Variants in CRHR2 observed in about 807,000 individuals in gnomAD.
CRHR2 encodes corticotropin-releasing hormone receptor 2.
CRHR2 carries 53 observed loss-of-function variants against 57.9 expected under a neutral mutation model. The observed-to-expected ratio is 0.92, with a 90% CI of 0.73 to 1.15. CRHR2 has a LOEUF of 1.15. Among genes scored for constraint, CRHR2 ranks in the 50% most tolerant of loss-of-function variants. The pLI is 0.00. For synonymous variants in CRHR2, 213 were observed against 220.9 expected (o/e 0.96, Z 0.32); for missense variants, 532 against 542.6 (o/e 0.98, Z 0.19).
At chr7:30,688,785 G>A in intron 2 of CRHR2, 1 of 457,748 alleles carries the variant, frequency 2.2e-6, no homozygotes, top group South Asian at 1.5e-5. Context: ...CAGAACTCAG[G>A]GCCGGGCTGC....
chr7:30,662,882 C>T, intron 5 of CRHR2, 35 bp from the exon 6 acceptor site: 1 of 1,608,988 alleles, frequency 6.2e-7, no homozygotes. Flanking sequence ...CAGGAGGCAG[C>T]TTGGGGCCCA....
At chr7:30,657,109 A>ACACC (rs35668274) in intron 8 of CRHR2, among the ~76,000 whole-genome samples, 1 of 151,096 alleles carries the variant, frequency 6.6e-6, no homozygotes, top group East Asian at 2.0e-4. Context: ...ACACACACAC[A>ACACC]CCTCTGACAC....
intron 3 of CRHR2, among the ~76,000 whole-genome samples, chr7:30,666,103 T>C (rs1162621798): frequency 6.6e-6 from 1 of 152,206 alleles, no homozygotes; most frequent in Non-Finnish European, 1.5e-5. Context: ...TCTAGAATGC[T>C]TCTCCTGAGT....
intron 2 of CRHR2, among the ~76,000 whole-genome samples, chr7:30,677,945 C>G (rs1784569880): frequency 6.6e-6 from 1 of 152,230 alleles, no homozygotes; most frequent in South Asian, 2.1e-4. Flanking sequence ...TGGCATGTGC[C>G]TGCAGTCTCA....
upstream of CRHR2, among the ~76,000 whole-genome samples, chr7:30,683,733 G>C (rs547157731): frequency 9.3e-4 from 141 of 152,330 alleles, no homozygotes; most frequent in Non-Finnish European, 1.6e-3. Flanking sequence ...AGAGTCTGGG[G>C]AAGACATACA....
chr7:30,696,968 C>T (rs747447267), intron 1 of CRHR2, among the ~76,000 whole-genome samples: 3 of 152,074 alleles, frequency 2.0e-5, no homozygotes, highest in Non-Finnish European at 2.9e-5. Flanking sequence ...GAAACACCAA[C>T]AAAATGGCAA....
chr7:30,677,363 G>T (rs1257900969), intron 2 of CRHR2, among the ~76,000 whole-genome samples: 1 of 152,170 alleles, frequency 6.6e-6, no homozygotes, highest in Admixed American at 6.5e-5. Flanking sequence ...AGTCCGTGTG[G>T]AATGGGGAGA....
chr7:30,654,551 G>A (rs1350841488), intron 11 of CRHR2: 2 of 847,638 alleles, frequency 2.4e-6, no homozygotes, highest in Non-Finnish European at 3.6e-6. Flanking sequence ...AGCTGCACTG[G>A]GGCTTTGGGC....
intron 2 of CRHR2, among the ~76,000 whole-genome samples, chr7:30,688,305 G>A (rs913046212): frequency 1.3e-5 from 2 of 152,186 alleles, no homozygotes; most frequent in African/African-American, 4.8e-5. Context: ...GAATGGTGAT[G>A]AAATCAGCTT....
At chr7:30,682,141 A>C in intron 1 of CRHR2, 37 bp downstream of exon 1, 1 of 1,534,514 alleles carries the variant, frequency 6.5e-7, no homozygotes, top group Admixed American at 2.1e-5. Context: ...CGAGAGAAGG[A>C]GCCCGCGCAG....
At chr7:30,688,082 G>A (rs1784888886) in intron 2 of CRHR2, among the ~76,000 whole-genome samples, 1 of 152,248 alleles carries the variant, frequency 6.6e-6, no homozygotes, top group African/African-American at 2.4e-5. Flanking sequence ...TGGATTTAGG[G>A]TCTTCGATGA....
intron 2 of CRHR2, among the ~76,000 whole-genome samples, chr7:30,676,379 G>A (rs917276875): frequency 2.0e-5 from 3 of 152,166 alleles, no homozygotes; most frequent in African/African-American, 7.2e-5. Context: ...AGAGTCAGGG[G>A]GGATCAGGTC....
upstream of CRHR2, among the ~76,000 whole-genome samples, chr7:30,683,726 G>C (rs1784795805): frequency 6.6e-6 from 1 of 152,202 alleles, no homozygotes; most frequent in African/African-American, 2.4e-5. Flanking sequence ...GAGACGGAGA[G>C]TCTGGGGAAG....
At chr7:30,691,067 G>A (rs758169114) in intron 1 of CRHR2, among the ~76,000 whole-genome samples, 11 of 152,042 alleles carry the variant, frequency 7.2e-5, no homozygotes, top group Admixed American at 6.5e-5. Flanking sequence ...TGCTGACCCC[G>A]TGAGCCACTG....
In CRHR2 at chr7:30,655,231, G is replaced by A. The variant is rs75595666; in HGVS notation, c.1054-151C>T. 9.0e-3 allele frequency: 7,873 copies of A among 878,854 alleles called. 81 individuals are homozygous for A. Among genetic ancestry groups the A allele is most frequent in the African/African-American group, 0.026 (1,534 of 59,226 alleles). The allele number at this position is 878,854 out of a possible 1,614,324, so 54.4% of individuals were successfully genotyped here. On this transcript the variant is annotated intron_variant, in intron 10 of 11. Transcript: ENST00000471646. ...AGCTGGGTGGGGTCCTAGCCTCAGG[G>A]TGCAGATATTCCACGGTCCACTCTG...
Position 30,670,717 on chromosome 7 carries a change from C to T in CRHR2, c.230-3404G>A, listed in dbSNP as rs115130476. ...AGAATCTCATCCACCCCGTGGGAAA[C>T]GTAGACGGATGGGCACACACTCTGA... On this transcript the variant is annotated intron_variant, in intron 2 of 11. Transcript: ENST00000471646. 7.4e-3 allele frequency among the ~76,000 whole-genome samples: 1,125 copies of T among 152,306 alleles called. 7 individuals are homozygous for T. The highest frequency in any genetic ancestry group is 0.025 in the African/African-American group (1,032 of 41,558).
chr7:30,674,101 C>T (rs1166518556), intron 2 of CRHR2, among the ~76,000 whole-genome samples: 1 of 152,206 alleles, frequency 6.6e-6, no homozygotes, highest in Non-Finnish European at 1.5e-5. Flanking sequence ...ACTTTTCACT[C>T]ATGGTGCCCT....
At chr7:30,687,454 A>G (rs1178808867), upstream of CRHR2, among the ~76,000 whole-genome samples, 3 of 152,146 alleles carry the variant, frequency 2.0e-5, no homozygotes, top group Non-Finnish European at 4.4e-5. Context: ...AAAAGAAAAG[A>G]AAAAGAAAAT....
chr7:30,682,492 G>T (rs1472053398), upstream of CRHR2: 24 of 1,307,688 alleles, frequency 1.8e-5, no homozygotes, highest in East Asian at 7.4e-4. Flanking sequence ...CGAGTGCACG[G>T]AGCTGCGGGT....
Sources: allele counts gnomAD v4.1 joint callset (sites outside exome capture counted in the v4.1 genomes callset), GRCh38; gene constraint gnomAD v4.1.1; transcripts MANE v1.5; gene names NCBI Gene and HGNC (gene_info 2026-07-23, HGNC 2026-07-21).